ARFGEF3: variants seen among roughly 807,000 people sequenced by gnomAD.
ARFGEF3 encodes ARFGEF family member 3.
Under a neutral mutation model 221.7 loss-of-function variants are expected in ARFGEF3, and 96 were observed. The ratio of observed to expected loss-of-function variants is 0.43; its 90% CI spans 0.37 to 0.51. The LOEUF (loss-of-function observed/expected upper bound fraction) is 0.51. Ranked by LOEUF, ARFGEF3 falls within the 20% of genes least tolerant of loss-of-function variation. The probability of loss-of-function intolerance (pLI) is 0.00; values close to 1 mark genes in which losing one functional copy is unlikely to be tolerated. For synonymous variants in ARFGEF3, 1,145 were observed against 1,126.8 expected (o/e 1.02, Z -0.32); for missense variants, 2,410 against 2,789.9 (o/e 0.86, Z 3.07).
At chr6:138,246,266 C>T (rs558191546) in intron 8 of ARFGEF3, among the ~76,000 whole-genome samples, 1 of 151,926 alleles carries the variant, frequency 6.6e-6, no homozygotes, top group Admixed American at 6.5e-5. Context: ...GCTACATATG[C>T]CATGAATTGC....
intron 26 of ARFGEF3, 91 bp from the exon 27 acceptor site, chr6:138,317,160 G>A (rs902254563): frequency 4.3e-6 from 6 of 1,391,436 alleles, no homozygotes; most frequent in Non-Finnish European, 5.9e-6. Flanking sequence ...TATAGCACTT[G>A]GCAGTTTACA....
At chr6:138,242,927 T>C (rs1231061515) in intron 6 of ARFGEF3, 25 bp from the exon 7 acceptor site, 1 of 1,579,120 alleles carries the variant, frequency 6.3e-7, no homozygotes, top group Non-Finnish European at 8.7e-7. Context: ...ATCTCCTAAT[T>C]GTGTGTGTGT....
At chr6:138,237,765 G>A (rs1003789350) in intron 5 of ARFGEF3, among the ~76,000 whole-genome samples, 2 of 152,308 alleles carry the variant, frequency 1.3e-5, no homozygotes, top group African/African-American at 2.4e-5. Context: ...GAGCCATCTC[G>A]GTGAGTGCAG....
At chr6:138,246,537 A>G (rs1006458261) in intron 8 of ARFGEF3, among the ~76,000 whole-genome samples, 8 of 152,230 alleles carry the variant, frequency 5.3e-5, no homozygotes, top group Non-Finnish European at 4.4e-5. Flanking sequence ...AAAGCTAAAC[A>G]TGGAATTACT....
At chr6:138,267,261 T>C (rs1778913863) in intron 12 of ARFGEF3, among the ~76,000 whole-genome samples, 1 of 152,036 alleles carries the variant, frequency 6.6e-6, no homozygotes, top group South Asian at 2.1e-4. Flanking sequence ...CCGCCTCTAC[T>C]AAAAAGACAA....
intron 4 of ARFGEF3, chr6:138,218,021 G>A: frequency 6.2e-7 from 1 of 1,612,818 alleles, no homozygotes; most frequent in Non-Finnish European, 8.5e-7. Context: ...TTTTGGATAA[G>A]TAGAGAAGAC....
chr6:138,313,047 T>C (rs767576305), intron 25 of ARFGEF3, among the ~76,000 whole-genome samples: 6 of 152,174 alleles, frequency 3.9e-5, no homozygotes, highest in Non-Finnish European at 8.8e-5. Context: ...GTTTTTCCTG[T>C]AGCATTTATG....
chr6:138,303,798 G>T (rs1779666327), intron 22 of ARFGEF3, among the ~76,000 whole-genome samples: 1 of 142,306 alleles, frequency 7.0e-6, no homozygotes, highest in Non-Finnish European at 1.5e-5. Context: ...GGAGGCAGAG[G>T]TTGCAGTGAG....
chr6:138,336,650 A>C lies in ARFGEF3; in HGVS notation c.*164A>C. The C allele has an allele frequency of 3.9e-6, 2 of 513,524 alleles. No homozygotes were observed. The highest frequency in any genetic ancestry group is 4.0e-5 in the Admixed American group (1 of 24,932). 31.8% of individuals were successfully genotyped at this position (513,524 alleles called of 1,614,324 possible). A position where few individuals can be genotyped will look rare whatever the true frequency, so the allele number is the denominator to read the frequency against. ...AAAGCCTTTCCAACCACTGATCAGC[A>C]TTGGGGCCATACTAAGGTTTGTATC... is the stretch of plus-strand genomic sequence containing the variant. On this transcript the variant is annotated 3_prime_UTR_variant, in exon 34 of 34. Transcript: ENST00000251691.
At chr6:138,268,083 C>T (rs1778929980) in intron 12 of ARFGEF3, among the ~76,000 whole-genome samples, 1 of 152,174 alleles carries the variant, frequency 6.6e-6, no homozygotes, top group Non-Finnish European at 1.5e-5. Context: ...GTTGCTTTGG[C>T]TACCCCTTCA....
At chr6:138,336,088 G>T (rs1325675972) in intron 33 of ARFGEF3, among the ~76,000 whole-genome samples, 1 of 152,100 alleles carries the variant, frequency 6.6e-6, no homozygotes, top group African/African-American at 2.4e-5. Flanking sequence ...GCGAGTCTCT[G>T]CCCATCTTTA....
chr6:138,340,848 A>G lies in ARFGEF3; in HGVS notation c.*4362A>G, dbSNP rs1780418169. On this transcript the variant is annotated 3_prime_UTR_variant, in exon 34 of 34. Transcript: ENST00000251691. ...AAAAAAAGTTTCAAGGAACGAGGCC[A>G]TGAAAATGAGACTATTTGACATCTC... 1 of 152,230 alleles carries G rather than the reference A, an allele frequency of 6.6e-6. No individual in the cohort carries two copies. 9.4% of individuals were successfully genotyped at this position (152,230 alleles called of 1,614,324 possible).
intron 8 of ARFGEF3, 138 bp downstream of exon 8, chr6:138,245,729 T>A (rs1778474803): frequency 2.8e-6 from 2 of 706,808 alleles, no homozygotes; most frequent in Middle Eastern, 2.4e-4. Flanking sequence ...CTAAACGCTG[T>A]TATTTACTAA....
rs1780021532 is a variant in ARFGEF3 at position 138,321,236 on chromosome 6, G to A, written c.4766+11G>A. 1 of 1,358,892 alleles carries A rather than the reference G, an allele frequency of 7.4e-7. No homozygotes were observed. Among genetic ancestry groups the A allele is most frequent in the Admixed American group, 2.2e-5 (1 of 45,308 alleles). The allele number at this position is 1,358,892 out of a possible 1,614,324, so 84.2% of individuals were successfully genotyped here. A position where few individuals can be genotyped will look rare whatever the true frequency, so the allele number is the denominator to read the frequency against. On this transcript the variant is annotated intron_variant, in intron 29 of 33. Transcript: ENST00000251691. ...CTGCTCCTGTATTAGGTGAGGAAAT[G>A]CTTTCCTGACTCTCCACAAAGCTGG...
chr6:138,308,270 G>C (rs1418635398), intron 23 of ARFGEF3, among the ~76,000 whole-genome samples: 1 of 152,188 alleles, frequency 6.6e-6, no homozygotes, highest in Admixed American at 6.5e-5. Context: ...AGTACTCTGA[G>C]AGCTGAGTTC....
intron 22 of ARFGEF3, among the ~76,000 whole-genome samples, chr6:138,306,946 G>A (rs1193434169): frequency 2.3e-5 from 3 of 130,086 alleles, no homozygotes; most frequent in African/African-American, 8.9e-5. Context: ...GAATATATAA[G>A]GAACTCTAAA....
chr6:138,329,005 AAAT>A (rs1780173365), intron 32 of ARFGEF3, among the ~76,000 whole-genome samples: 3 of 152,120 alleles, frequency 2.0e-5, no homozygotes, highest in African/African-American at 7.2e-5. Flanking sequence ...TAATTTAAAA[AAAT>A]AAAAAGTAAA....
intron 31 of ARFGEF3, among the ~76,000 whole-genome samples, chr6:138,326,045 C>T (rs546103494): frequency 5.7e-4 from 86 of 152,104 alleles, no homozygotes; most frequent in African/African-American, 1.8e-3. Flanking sequence ...TTAGCAGAGA[C>T]GGAGTTTCGC....
At chr6:138,208,421 G>C (rs1777663110) in intron 3 of ARFGEF3, among the ~76,000 whole-genome samples, 1 of 152,098 alleles carries the variant, frequency 6.6e-6, no homozygotes, top group Admixed American at 6.6e-5. Context: ...AAAATTTCAG[G>C]GAGTCTTAAG....
Sources: allele counts gnomAD v4.1 joint callset (sites outside exome capture counted in the v4.1 genomes callset), GRCh38; gene constraint gnomAD v4.1.1; transcripts MANE v1.5; gene names NCBI Gene and HGNC (gene_info 2026-07-23, HGNC 2026-07-21).